The following XPO7 variants were observed in gnomAD, a reference collection of about 807,000 sequenced individuals.
XPO7 encodes exportin 7.
In XPO7, 21 loss-of-function variants were observed where a neutral mutation model predicts 144.3. The ratio of observed to expected loss-of-function variants is 0.15; its 90% CI spans 0.10 to 0.21. XPO7 has a LOEUF of 0.21. Ranked by LOEUF, XPO7 falls within the 10% of genes least tolerant of loss-of-function variation. The pLI is 1.00. For missense variants in XPO7, 808 were observed against 1,325.8 expected, an observed-to-expected ratio of 0.61 and a Z score of 6.06; for synonymous variants, 580 against 499.6, an observed-to-expected ratio of 1.16 and a Z score of -2.15.
At chr8:22,004,172 G>A in intron 27 of XPO7, 142 bp downstream of exon 27, 1 of 998,152 alleles carries the variant, frequency 1.0e-6, no homozygotes, top group Non-Finnish European at 1.4e-6. Flanking sequence ...AGTGAGCCAT[G>A]TTAAACAGGC....
intron 1 of XPO7, among the ~76,000 whole-genome samples, chr8:21,964,658 T>C (rs1345640135): frequency 6.6e-6 from 1 of 151,892 alleles, no homozygotes; most frequent in Non-Finnish European, 1.5e-5. Flanking sequence ...GTGTAAATGG[T>C]CAAATTGCGT....
intron 1 of XPO7, among the ~76,000 whole-genome samples, chr8:21,927,834 C>A (rs1047838561): frequency 6.6e-6 from 1 of 152,154 alleles, no homozygotes; most frequent in East Asian, 1.9e-4. Context: ...CGTGAGCCAC[C>A]GCACCTGGCT....
At chr8:21,964,345 T>A (rs1191982631) in intron 1 of XPO7, 1 of 152,174 alleles carries the variant, frequency 6.6e-6, no homozygotes, top group East Asian at 1.9e-4. Context: ...CGGCCACCCT[T>A]AGTGTGAAGT....
At chr8:21,981,250 A>G (rs1339268759) in intron 9 of XPO7, among the ~76,000 whole-genome samples, 1 of 152,250 alleles carries the variant, frequency 6.6e-6, no homozygotes, top group African/African-American at 2.4e-5. Flanking sequence ...AATTACAGTA[A>G]GTGATATAAA....
intron 24 of XPO7, among the ~76,000 whole-genome samples, chr8:22,001,680 T>G (rs925743455): frequency 1.3e-5 from 2 of 152,258 alleles, no homozygotes; most frequent in Non-Finnish European, 2.9e-5. Context: ...TACTAGCAGT[T>G]GATCCTTAGG....
intron 21 of XPO7, among the ~76,000 whole-genome samples, chr8:21,998,217 G>A (rs984246298): frequency 2.7e-4 from 41 of 152,240 alleles, no homozygotes; most frequent in African/African-American, 6.3e-4. Flanking sequence ...TGAGGCGGGC[G>A]GATCACGAGG....
intron 1 of XPO7, chr8:21,921,633 C>G (rs191136025): frequency 7.9e-5 from 12 of 152,270 alleles, no homozygotes; most frequent in African/African-American, 2.9e-4. Context: ...GAAGGTCTGT[C>G]TTATTTTTAG....
chr8:21,980,306 G>A (rs1424600603), intron 9 of XPO7, 103 bp downstream of exon 9: 1 of 1,351,656 alleles, frequency 7.4e-7, no homozygotes, highest in East Asian at 2.6e-5. Flanking sequence ...AATTCAGTCT[G>A]TTCTTCAGGG....
chr8:21,983,179 A>G (rs1485259284), intron 11 of XPO7, among the ~76,000 whole-genome samples: 1 of 152,246 alleles, frequency 6.6e-6, no homozygotes, highest in Non-Finnish European at 1.5e-5. Flanking sequence ...GTGAACTCCT[A>G]AAGAAATAAG....
intron 27 of XPO7, 41 bp from the exon 28 acceptor site, chr8:22,004,954 C>T: frequency 9.4e-7 from 1 of 1,058,420 alleles, no homozygotes; most frequent in Admixed American, 2.5e-5. Context: ...TACCTTTCCC[C>T]CCCACTCTCC....
intron 1 of XPO7, among the ~76,000 whole-genome samples, chr8:21,935,963 G>C (rs1477215334): frequency 6.6e-6 from 1 of 152,030 alleles, no homozygotes; most frequent in East Asian, 1.9e-4. Context: ...AAACCTTTTT[G>C]TGGAGTATTT....
At chr8:21,952,909 T>C (rs1811417543) in intron 1 of XPO7, among the ~76,000 whole-genome samples, 1 of 152,212 alleles carries the variant, frequency 6.6e-6, no homozygotes, top group Non-Finnish European at 1.5e-5. Flanking sequence ...CTTCTTAAAC[T>C]GGCAAATTAG....
rs1812075613 is a variant in XPO7, at chr8:21,971,953, A to G, written c.492+12A>G. On this transcript the variant is annotated intron_variant, in intron 5 of 27. Transcript: ENST00000252512. ...ATGAAATTAATCAAGTAAGTGCTAC[A>G]GCCTTCCTCATTGAAGTAAGTGCCA... The G allele has an allele frequency of 6.2e-7, 1 of 1,612,380 alleles. No homozygotes were observed. The highest frequency in any genetic ancestry group is 8.5e-7 in the Non-Finnish European group (1 of 1,178,738).
intron 17 of XPO7, 66 bp downstream of exon 17, chr8:21,990,473 A>T: frequency 1.3e-6 from 2 of 1,562,366 alleles, no homozygotes; most frequent in East Asian, 2.3e-5. Context: ...TCGACACATA[A>T]AGGAGATATG....
At chr8:21,968,786 T>A (rs117123298) in intron 2 of XPO7, among the ~76,000 whole-genome samples, 2 of 152,208 alleles carry the variant, frequency 1.3e-5, no homozygotes, top group Admixed American at 6.5e-5. Context: ...TATAGCCACA[T>A]GGAGGAATTC....
chr8:22,000,128 G>A (rs1813090185), intron 24 of XPO7, among the ~76,000 whole-genome samples: 1 of 152,210 alleles, frequency 6.6e-6, no homozygotes, highest in Non-Finnish European at 1.5e-5. Flanking sequence ...AAGCTGGACA[G>A]ATGTTACCCT....
chr8:21,994,606 C>T (rs912002413), intron 20 of XPO7, among the ~76,000 whole-genome samples, 155 bp downstream of exon 20: 3 of 152,084 alleles, frequency 2.0e-5, no homozygotes, highest in Admixed American at 6.5e-5. Flanking sequence ...TGGAAGCCAC[C>T]TTATGACAGA....
chr8:21,996,684 A>G (rs949446703), intron 21 of XPO7, among the ~76,000 whole-genome samples: 14 of 152,206 alleles, frequency 9.2e-5, no homozygotes, highest in African/African-American at 3.1e-4. Flanking sequence ...CAATTTAAGG[A>G]CAGTGAAAAA....
Position 21,933,286 on chromosome 8 carries a change from G to C in XPO7, c.18+13498G>C, listed in dbSNP as rs565715884. ...CGGCTAATTTTTTCTCTTTTTAGTAGAGATGGGGTTTCACCATGTTAGCCA... is the reference window on the plus strand; with the variant it reads ...CGGCTAATTTTTTCTCTTTTTAGTACAGATGGGGTTTCACCATGTTAGCCA... On this transcript the variant is annotated intron_variant, in intron 1 of 27. Coordinates refer to ENST00000252512, the MANE Select transcript of XPO7 (RefSeq NM_015024.5). 4.6e-5 allele frequency among the ~76,000 whole-genome samples: 7 copies of C among 152,104 alleles called. No homozygotes were observed. In the East Asian group the frequency reaches 1.4e-3, roughly 29 times the overall value.
Sources: gnomAD v4.1 joint callset for allele counts (sites outside exome capture counted in the v4.1 genomes callset) on GRCh38, gnomAD v4.1.1 for gene constraint, MANE v1.5 for transcripts, NCBI Gene and HGNC (gene_info 2026-07-23, HGNC 2026-07-21) for gene names.